Variants in KRT84 observed in about 807,000 individuals in gnomAD.
KRT84 encodes keratin, type II cuticular Hb4.
KRT84 carries 38 observed loss-of-function variants against 49.0 expected under a neutral mutation model. That is an observed-to-expected ratio of 0.78 (90% confidence interval 0.60 to 1.02). KRT84 has a LOEUF of 1.02. Among genes scored for constraint, KRT84 ranks in the 50% least tolerant of loss-of-function variants. KRT84 has a pLI of 0.00. For missense variants in KRT84, 860 were observed against 788.6 expected (o/e 1.09, Z -1.08); for synonymous variants, 334 against 312.8 (o/e 1.07, Z -0.72).
intron 3 of KRT84, 67 bp downstream of exon 3, chr12:52,382,938 C>T (rs541546895): frequency 1.4e-6 from 2 of 1,386,836 alleles, no homozygotes; most frequent in East Asian, 4.6e-5. Flanking sequence ...GAGCAGTTTC[C>T]TGGGGAGTCT....
At chr12:52,381,250 G>A (rs1791652) in intron 5 of KRT84, 45 bp from the exon 6 acceptor site, 369,988 of 1,610,758 alleles carry the variant, frequency 0.23, 48,310 homozygotes, top group African/African-American at 0.57. Flanking sequence ...GGTCAGGTCA[G>A]GATCACAGCC....
Position 52,377,987 on chromosome 12 carries a change from C to T in KRT84, c.*47G>A, listed in dbSNP as rs748191331. On this transcript the variant is annotated 3_prime_UTR_variant, in exon 9 of 9. Coordinates refer to ENST00000257951, the MANE Select transcript of KRT84 (RefSeq NM_033045.4). ...GAACCCTGGGGGCAGAAGCAGGAGCCGTGGAGCTGGTTCTTCTCTGGGCAG... is the reference window on the plus strand; with the variant it reads ...GAACCCTGGGGGCAGAAGCAGGAGCTGTGGAGCTGGTTCTTCTCTGGGCAG... 63 of 1,343,566 alleles carry T rather than the reference C, an allele frequency of 4.7e-5. No individual in the cohort carries two copies. Among genetic ancestry groups the T allele is most frequent in the Non-Finnish European group, 5.6e-5 (58 of 1,029,016 alleles). 83.2% of individuals were successfully genotyped at this position (1,343,566 alleles called of 1,614,324 possible). A position where few individuals can be genotyped will look rare whatever the true frequency, so the allele number is the denominator to read the frequency against.
chr12:52,378,465 G>T, intron 8 of KRT84, 85 bp from the exon 9 acceptor site: 1 of 1,068,852 alleles, frequency 9.4e-7, no homozygotes, highest in Non-Finnish European at 1.3e-6. Context: ...CTCCGGGTCT[G>T]GTGGGGAGGG....
In KRT84 at chr12:52,380,465, A is replaced by G; in HGVS notation, c.1322T>C (p.Met441Thr). ...CTGGTACTCGCACAGCTGCCGCGCCATGTCCTGCTTGGCCTGCTGCAGGGC... is the reference window on the plus strand; with the variant it reads ...CTGGTACTCGCACAGCTGCCGCGCCGTGTCCTGCTTGGCCTGCTGCAGGGC... Reference protein sequence around the residue: ...ECALQQAKQDMARQLCEYQEL... With the variant: ...ECALQQAKQDTARQLCEYQEL... Residue 441 changes from methionine (M) to threonine (T), a missense_variant, in exon 7 of 9, where the codon ATG becomes ACG. Met to Thr is a moderately conservative substitution (Grantham distance 81). Transcript: ENST00000257951. 1 of 1,614,164 alleles carries G rather than the reference A, an allele frequency of 6.2e-7. No individual in the cohort carries two copies. The highest frequency in any genetic ancestry group is 8.5e-7 in the Non-Finnish European group (1 of 1,180,002).
At chr12:52,382,323 AG>A in intron 4 of KRT84, 113 bp downstream of exon 4, 1 of 706,810 alleles carries the variant, frequency 1.4e-6, no homozygotes, top group South Asian at 1.7e-5. Flanking sequence ...TTTGAGTGAG[AG>A]GAAAGATATA....
chr12:52,378,949 C>T (rs941583051), intron 8 of KRT84, among the ~76,000 whole-genome samples: 1 of 152,088 alleles, frequency 6.6e-6, no homozygotes, highest in Non-Finnish European at 1.5e-5. Context: ...GCTTGCTAGA[C>T]CAGCCCCATC....
At position 52,378,155 on chromosome 12, in the gene KRT84, G is replaced by T. The variant is rs1277417763; in HGVS notation, c.1682C>A (p.Ala561Asp). The T allele has an allele frequency of 4.4e-6, 7 of 1,576,080 alleles. No individual in the cohort carries two copies. Among genetic ancestry groups the T allele is most frequent in the Non-Finnish European group, 5.2e-6 (6 of 1,162,562 alleles). The stretch of plus-strand genomic sequence containing the variant: ...GGGGCAGGGGACGCTGGGGACACAG[G>T]CCTCGCTGATGAGCATGGAGCCACT... ...TRSGSMLISE[A>D]CVPSVPCPLP... Residue 561 changes from alanine (A) to aspartate (D), a missense_variant, in exon 9 of 9, where the codon GCC (alanine) becomes GAC (aspartate). Transcript: ENST00000257951.
intron 8 of KRT84, 40 bp from the exon 9 acceptor site, chr12:52,378,420 G>C: frequency 7.1e-7 from 1 of 1,409,866 alleles, no homozygotes; most frequent in East Asian, 2.7e-5. Context: ...GCCGACACCA[G>C]GGCCCTCCAC....
intron 7 of KRT84, 151 bp from the exon 8 acceptor site, chr12:52,380,058 C>A: frequency 1.4e-6 from 1 of 722,930 alleles, no homozygotes; most frequent in Non-Finnish European, 2.3e-6. Flanking sequence ...TTGAAAAACA[C>A]GTTCTTAGAC....
Position 52,381,456 on chromosome 12 carries a change from G to T in KRT84, c.982C>A (p.Leu328Met), listed in dbSNP as rs758564487. ...TCAGCAATGATCCCATCAAGGTTCA[G>T]GTCACGGCTGTTGTCCATCTTCACA... ...VIVKMDNSRDLNLDGIIAEVK... is the reference protein window; with the variant it reads ...VIVKMDNSRDMNLDGIIAEVK... Residue 328 changes from leucine (L) to methionine (M), a missense_variant, in exon 5 of 9, where the codon CTG becomes ATG. Physicochemically the swap from Leu to Met is conservative, Grantham distance 15. Coordinates refer to ENST00000257951, the MANE Select transcript of KRT84 (RefSeq NM_033045.4). 1.2e-6 allele frequency: 2 copies of T among 1,614,160 alleles called. No homozygotes were observed. Among genetic ancestry groups the T allele is most frequent in the Non-Finnish European group, 1.7e-6 (2 of 1,180,036 alleles).
At chr12:52,378,415 C>T (rs1357882566) in intron 8 of KRT84, 35 bp from the exon 9 acceptor site, 12 of 1,413,000 alleles carry the variant, frequency 8.5e-6, no homozygotes, top group African/African-American at 1.5e-5. Flanking sequence ...AGGCTGCCGA[C>T]ACCAGGGCCC....
At chr12:52,378,454 C>A (rs2121429609) in intron 8 of KRT84, 74 bp from the exon 9 acceptor site, 2 of 1,243,510 alleles carry the variant, frequency 1.6e-6, no homozygotes, top group South Asian at 3.4e-5. Context: ...CTGGGCTGCA[C>A]CTCCGGGTCT....
chr12:52,379,756 C>A, intron 8 of KRT84, 120 bp downstream of exon 8: 1 of 790,006 alleles, frequency 1.3e-6, no homozygotes, highest in Middle Eastern at 2.2e-4. Context: ...GTCCCAGCTC[C>A]CCTGACTGTC....
At chr12:52,381,658 T>C in intron 4 of KRT84, 133 bp from the exon 5 acceptor site, 1 of 843,832 alleles carries the variant, frequency 1.2e-6, no homozygotes, top group Non-Finnish European at 1.9e-6. Context: ...AGCAAGACCA[T>C]CTAAATTGAT....
intron 1 of KRT84, among the ~76,000 whole-genome samples, chr12:52,384,761 G>C (rs1939544347): frequency 3.3e-5 from 5 of 152,188 alleles, no homozygotes; most frequent in Admixed American, 3.3e-4. Flanking sequence ...ATCTTAGTTT[G>C]TCGAGATGCC....
chr12:52,378,062 G>C lies in KRT84; in HGVS notation c.1775C>G (p.Thr592Ser). 1 of 1,484,780 alleles carries C rather than the reference G, an allele frequency of 6.7e-7. No individual in the cohort carries two copies. Among genetic ancestry groups the C allele is most frequent in the Non-Finnish European group, 8.9e-7 (1 of 1,120,030 alleles). 92.0% of individuals were successfully genotyped at this position (1,484,780 alleles called of 1,614,324 possible). Reference sequence around the variant, plus strand: ...GTACTTGGTCCGGCAGGAGGTGGTGGTGGACACAAAGCGGACGCTGGAGCT... The same window carrying C: ...GTACTTGGTCCGGCAGGAGGTGGTGCTGGACACAAAGCGGACGCTGGAGCT... Reference protein sequence around the residue: ...GRSSSVRFVSTTTSCRTKY With the variant: ...GRSSSVRFVSSTTSCRTKY Residue 592 changes from threonine (T) to serine (S), a missense_variant, in exon 9 of 9, where the codon ACC becomes AGC. By Grantham distance (58) the Thr-to-Ser change is moderately conservative. Transcript: ENST00000257951.
At position 52,380,614 on chromosome 12, in the gene KRT84, C is replaced by T. The variant is rs371989818; in HGVS notation, c.1204-31G>A. 3.3e-5 allele frequency: 51 copies of T among 1,567,412 alleles called. 1 individual carries two copies. Among genetic ancestry groups the T allele is most frequent in the South Asian group, 5.8e-5 (5 of 86,126 alleles). ...GGGAAGGCAGTTTGCAGGTAGGCTT[C>T]GGCAGTGCCAGGGCATCCCCAGGTT... is the stretch of plus-strand genomic sequence containing the variant. On this transcript the variant is annotated intron_variant, in intron 6 of 8. Coordinates refer to ENST00000257951, the MANE Select transcript of KRT84 (RefSeq NM_033045.4).
chr12:52,386,118 C>T (rs372822858), upstream of KRT84, among the ~76,000 whole-genome samples: 14 of 152,170 alleles, frequency 9.2e-5, no homozygotes, highest in East Asian at 7.7e-4. Flanking sequence ...GGAGAAAATA[C>T]AGTTTGTTGC....
Position 52,378,328 on chromosome 12 carries a change from G to A in KRT84, c.1509C>T (p.Ala503=), listed in dbSNP as rs746530737. 52 of 1,525,448 alleles carry A rather than the reference G, an allele frequency of 3.4e-5. No individual in the cohort carries two copies. The South Asian group carries it at 3.9e-4, about 12-fold the overall frequency. 94.5% of individuals were successfully genotyped at this position (1,525,448 alleles called of 1,614,324 possible). ...GLVCGPEPLV[A]GSTLSRGGVT... ...CCCCGCCGCGGGAGAGGGTGGAGCC[G>A]GCAACCAAAGGCTCAGGCCCGCACA... Residue 503 remains alanine (A), a synonymous_variant, in exon 9 of 9, where the codon GCC becomes GCT. Coordinates refer to ENST00000257951, the MANE Select transcript of KRT84 (RefSeq NM_033045.4).
Sources: gnomAD v4.1 joint callset for allele counts (sites outside exome capture counted in the v4.1 genomes callset) on GRCh38, gnomAD v4.1.1 for gene constraint, MANE v1.5 for transcripts, NCBI Gene and HGNC (gene_info 2026-07-23, HGNC 2026-07-21) for gene names.